Variants in DMD observed in about 807,000 individuals in gnomAD.
DMD encodes mutant dystrophin.
DMD carries 63 observed loss-of-function variants against 330.1 expected under a neutral mutation model. The ratio of observed to expected loss-of-function variants is 0.19; its 90% CI spans 0.16 to 0.24. The LOEUF (loss-of-function observed/expected upper bound fraction) is 0.24. DMD is among the 10% of genes least tolerant of loss of function. DMD has a pLI of 1.00. For synonymous variants in DMD, 1,223 were observed against 959.8 expected (o/e 1.27, Z -5.07); for missense variants, 3,344 against 2,684.1 (o/e 1.25, Z -5.43).
At chrX:31,235,053 G>T (rs1012135664) in intron 63 of DMD, among the ~76,000 whole-genome samples, 1 of 111,545 alleles carries the variant, frequency 9.0e-6, no homozygotes, top group Non-Finnish European at 1.9e-5. Flanking sequence ...AGAGGAAGGT[G>T]GTTCTTGCTA....
chrX:31,721,606 T>C, intron 52 of DMD, among the ~76,000 whole-genome samples: 1 of 102,989 alleles, frequency 9.7e-6, no homozygotes, highest in African/African-American at 3.5e-5. Flanking sequence ...TCTCTCTCTC[T>C]CTCTCTCTCT....
intron 47 of DMD, among the ~76,000 whole-genome samples, chrX:31,910,665 T>C (rs2094536321): frequency 8.9e-6 from 1 of 112,004 alleles, no homozygotes; most frequent in Non-Finnish European, 1.9e-5. Context: ...TGGATCTTGT[T>C]TGGAGATGAC....
intron 47 of DMD, among the ~76,000 whole-genome samples, chrX:31,924,820 A>G (rs1429228199): frequency 8.9e-6 from 1 of 112,194 alleles, no homozygotes; most frequent in Non-Finnish European, 1.9e-5. Context: ...AACAAATTCA[A>G]ATAGTAATTT....
intron 2 of DMD, among the ~76,000 whole-genome samples, chrX:32,916,042 T>C (rs1196058093): frequency 9.0e-6 from 1 of 111,541 alleles, no homozygotes; most frequent in African/African-American, 3.3e-5. Context: ...AATAATAAAA[T>C]CATTTACTTC....
At chrX:31,334,420 G>A (rs1011176938) in intron 61 of DMD, among the ~76,000 whole-genome samples, 1 of 111,336 alleles carries the variant, frequency 9.0e-6, no homozygotes, top group East Asian at 2.8e-4. Flanking sequence ...GACAATATGC[G>A]TTAATACTCA....
chrX:32,807,122 T>TTAAAAAAAAAAAAAAAAA (rs1345640031), intron 7 of DMD, among the ~76,000 whole-genome samples: 3 of 20,741 alleles, frequency 1.4e-4, no homozygotes, highest in African/African-American at 6.6e-4. Context: ...CGGAAACATT[T>TTAAAAAAAAAAAAAAAAA]AAAAAAAAAA....
intron 36 of DMD, among the ~76,000 whole-genome samples, chrX:32,363,237 G>A (rs1244666091): frequency 8.9e-6 from 1 of 111,744 alleles, no homozygotes; most frequent in Non-Finnish European, 1.9e-5. Context: ...TGTTTATTTA[G>A]TCCGAGGAAG....
intron 47 of DMD, among the ~76,000 whole-genome samples, chrX:31,880,266 G>C (rs2094039092): frequency 9.0e-6 from 1 of 111,503 alleles, no homozygotes; most frequent in Non-Finnish European, 1.9e-5. Context: ...AGCAAAAAAA[G>C]AATATAAAAA....
intron 9 of DMD, among the ~76,000 whole-genome samples, chrX:32,649,446 G>C (rs753364240): frequency 1.3e-4 from 14 of 108,296 alleles, no homozygotes; most frequent in Non-Finnish European, 2.3e-4. Context: ...CCAGTTACTC[G>C]GGAGGCTGAG....
chrX:33,122,206 C>T (rs921821571), intron 1 of DMD, among the ~76,000 whole-genome samples: 1 of 111,852 alleles, frequency 8.9e-6, no homozygotes, highest in Non-Finnish European at 1.9e-5. Context: ...GCCTGGGTGA[C>T]AGAGTGAGAC....
chrX:31,122,791 C>T (rs750969515), intron 78 of DMD, among the ~76,000 whole-genome samples: 1 of 111,664 alleles, frequency 9.0e-6, no homozygotes, highest in Non-Finnish European at 1.9e-5. Context: ...CGACCTAGCA[C>T]GAATCTCCCA....
At chrX:32,050,972 C>CTTTTTTTTTTTTTTT (rs1569536965) in intron 44 of DMD, among the ~76,000 whole-genome samples, 1 of 64,280 alleles carries the variant, frequency 1.6e-5, no homozygotes, top group Admixed American at 1.6e-4. Flanking sequence ...GGCTAACTTC[C>CTTTTTTTTTTTTTTT]TCTTTTTTTT....
intron 44 of DMD, among the ~76,000 whole-genome samples, chrX:32,144,693 G>A (rs1347300877): frequency 1.8e-5 from 2 of 111,968 alleles, no homozygotes; most frequent in Non-Finnish European, 3.8e-5. Flanking sequence ...TCTTCATGAT[G>A]TTAAACTATT....
At chrX:31,891,807 C>G (rs756018579) in intron 47 of DMD, among the ~76,000 whole-genome samples, 3 of 111,798 alleles carry the variant, frequency 2.7e-5, no homozygotes, top group African/African-American at 9.8e-5. Context: ...GTGGCCCAAC[C>G]TCCAGTCCAT....
chrX:32,126,268 A>G (rs1190854155), intron 44 of DMD, among the ~76,000 whole-genome samples: 2 of 112,341 alleles, frequency 1.8e-5, no homozygotes, highest in African/African-American at 6.5e-5. Context: ...GGGAAAGGAC[A>G]TTAGCAGTCC....
intron 9 of DMD, among the ~76,000 whole-genome samples, chrX:32,663,069 G>A (rs994236512): frequency 9.0e-6 from 1 of 111,654 alleles, no homozygotes; most frequent in African/African-American, 3.3e-5. Context: ...ATTTTTCAAT[G>A]TGAAGACAAA....
chrX:32,230,893 A>C (rs1218827856), intron 43 of DMD, among the ~76,000 whole-genome samples: 1 of 112,113 alleles, frequency 8.9e-6, no homozygotes, highest in Non-Finnish European at 1.9e-5. Flanking sequence ...ACAGTATATA[A>C]TTTCTGTTAT....
intron 2 of DMD, among the ~76,000 whole-genome samples, chrX:32,954,534 G>T (rs764717175): frequency 4.5e-5 from 5 of 111,933 alleles, no homozygotes; most frequent in Non-Finnish European, 9.4e-5. Flanking sequence ...CCTATCCACA[G>T]CTTTTCTTTG....
intron 3 of DMD, among the ~76,000 whole-genome samples, chrX:32,847,946 A>G (rs2080826159): frequency 8.9e-6 from 1 of 112,329 alleles, no homozygotes; most frequent in South Asian, 3.7e-4. Flanking sequence ...AGTTTAGAGA[A>G]AGGCTTATCT....
Sources: allele counts gnomAD v4.1 joint callset (sites outside exome capture counted in the v4.1 genomes callset), GRCh38; gene constraint gnomAD v4.1.1; transcripts MANE v1.5; gene names NCBI Gene and HGNC (gene_info 2026-07-23, HGNC 2026-07-21).